The following ARID1A variants were observed in gnomAD, a reference collection of about 807,000 sequenced individuals.
ARID1A encodes AT-rich interactive domain-containing protein 1A.
A neutral mutation model predicts 212.6 loss-of-function variants in ARID1A; 20 were observed. That is an observed-to-expected ratio of 0.09 (90% CI 0.07 to 0.14). The LOEUF is 0.14. Among genes scored for constraint, ARID1A ranks in the 10% least tolerant of loss-of-function variants. The probability of loss-of-function intolerance (pLI) is 1.00; values close to 1 mark genes in which losing one functional copy is unlikely to be tolerated. For synonymous variants in ARID1A, 1,376 were observed against 1,222.1 expected (o/e 1.13, Z -2.63); for missense variants, 2,587 against 3,059.0 (o/e 0.85, Z 3.64).
intron 1 of ARID1A, among the ~76,000 whole-genome samples, chr1:26,709,626 CTTTTTT>C (rs57532083): frequency 4.2e-5 from 5 of 118,504 alleles, no homozygotes; most frequent in African/African-American, 9.7e-5. Context: ...TACTGTAATG[CTTTTTT>C]TTTTTTTTTT....
Position 26,755,674 on chromosome 1 carries a change from GAA to G in ARID1A, c.1921-5180_1921-5179del, listed in dbSNP as rs1238094576. On this transcript the variant is annotated intron_variant, in intron 4 of 19. Coordinates refer to ENST00000324856, the MANE Select transcript of ARID1A (RefSeq NM_006015.6). ...CTATGGTGAGCCTGGTTTTTTAACTGAAAGTGTGGCTGAAAGGACCTCCTCAG... is the reference window on the plus strand; with the variant it reads ...CTATGGTGAGCCTGGTTTTTTAACTGAGTGTGGCTGAAAGGACCTCCTCAG... Among the ~76,000 whole-genome samples, 4 of 152,236 alleles carry G rather than the reference GAA, an allele frequency of 2.6e-5. No individual in the cohort carries two copies. In the East Asian group the frequency reaches 7.7e-4, roughly 29 times the overall value.
intron 1 of ARID1A, among the ~76,000 whole-genome samples, chr1:26,723,201 G>C (rs572482176): frequency 2.0e-5 from 3 of 152,188 alleles, no homozygotes; most frequent in African/African-American, 7.2e-5. Context: ...TGATTTTTTT[G>C]GTGGAAGCCT....
chr1:26,696,681 G>A lies in ARID1A; in HGVS notation c.278G>A (p.Gly93Glu). 3.0e-6 allele frequency: 4 copies of A among 1,326,440 alleles called. No homozygotes were observed. The highest frequency in any genetic ancestry group is 3.8e-6 in the Non-Finnish European group (4 of 1,039,856). The allele number at this position is 1,326,440 out of a possible 1,614,324, so 82.2% of individuals were successfully genotyped here. The change falls in exon 1 of 20, where the codon GGG (glycine) becomes GAG (glutamate). Residue 93 changes from glycine to glutamate, a missense_variant. This residue lies in a region of ARID1A where 735 missense variants were observed against 590.6 expected (regional missense o/e 1.24). Transcript: ENST00000324856. ...GGCGGCGGAGCCGGCAGCGGCGGCG[G>A]GCCCGGCGCGGAGCCGGACCTGAAG... ...GGGGGAGSGG[G>E]PGAEPDLKNS...
intron 1 of ARID1A, among the ~76,000 whole-genome samples, chr1:26,713,595 A>G (rs1170387301): frequency 3.9e-5 from 6 of 152,120 alleles, no homozygotes; most frequent in Non-Finnish European, 7.4e-5. Flanking sequence ...CCTGACCTCA[A>G]GTAATCTGCC....
chr1:26,724,509 G>A (rs1208333161), intron 1 of ARID1A, among the ~76,000 whole-genome samples: 1 of 152,232 alleles, frequency 6.6e-6, no homozygotes, highest in African/African-American at 2.4e-5. Flanking sequence ...CTGCTTAGAA[G>A]TTTTGAGTTC....
chr1:26,768,274 G>T (rs1315345710), intron 11 of ARID1A, among the ~76,000 whole-genome samples: 1 of 152,212 alleles, frequency 6.6e-6, no homozygotes, highest in African/African-American at 2.4e-5. Flanking sequence ...TGGGCATTCT[G>T]ATTCCATGGG....
At chr1:26,742,364 G>A (rs565180075) in intron 4 of ARID1A, among the ~76,000 whole-genome samples, 61 of 152,328 alleles carry the variant, frequency 4.0e-4, no homozygotes, top group Non-Finnish European at 7.8e-4. Flanking sequence ...GCCTCAAACA[G>A]TGAACCGTTG....
In ARID1A at chr1:26,763,084, A is replaced by G. The variant is rs1412444313; in HGVS notation, c.2531A>G (p.Gln844Arg). Reference sequence around the variant, plus strand: ...GGTGCCGGAGGTCAAATGCATGGACAGCCTGGCATCCCACCTTATGGCACA... The same window carrying G: ...GGTGCCGGAGGTCAAATGCATGGACGGCCTGGCATCCCACCTTATGGCACA... ...PMGAGGQMHG[Q>R]PGIPPYGTLP... The change falls in exon 8 of 20, where the codon CAG (glutamine) becomes CGG (arginine). Residue 844 changes from glutamine to arginine, a missense_variant. This residue lies in a region of ARID1A where 674 missense variants were observed against 813.4 expected (regional missense o/e 0.83). Transcript: ENST00000324856. 3 of 1,614,152 alleles carry G rather than the reference A, an allele frequency of 1.9e-6. No individual in the cohort carries two copies. The highest frequency in any genetic ancestry group is 3.3e-5 in the Admixed American group (2 of 60,016).
In ARID1A at chr1:26,731,777, C is replaced by T. The variant is rs2080680914; in HGVS notation, c.1803+173C>T. Among the ~76,000 whole-genome samples the T allele has an allele frequency of 2.6e-5, 4 of 152,128 alleles. No individual in the cohort carries two copies. The South Asian group carries it at 8.3e-4, about 32-fold the overall frequency. ...ATTGAACTAATAAAGGCATAACCTCCTTAACTGCATAAAGACCTGTAGCTC... is the reference window on the plus strand; with the variant it reads ...ATTGAACTAATAAAGGCATAACCTCTTTAACTGCATAAAGACCTGTAGCTC... On this transcript the variant is annotated intron_variant, in intron 3 of 19. Coordinates refer to ENST00000324856, the MANE Select transcript of ARID1A (RefSeq NM_006015.6).
intron 4 of ARID1A, among the ~76,000 whole-genome samples, chr1:26,756,355 A>G (rs948836121): frequency 1.3e-5 from 2 of 152,066 alleles, no homozygotes; most frequent in African/African-American, 4.8e-5. Flanking sequence ...CAGGAGTTCG[A>G]GACCAGCCTG....
intron 4 of ARID1A, among the ~76,000 whole-genome samples, chr1:26,742,977 AAT>A (rs1180687206): frequency 6.6e-6 from 1 of 152,170 alleles, no homozygotes; most frequent in Admixed American, 6.5e-5. Flanking sequence ...CAAAAAAAGA[AAT>A]ATAAAAAATA....
At chr1:26,749,824 CAGG>C (rs2080869240) in intron 4 of ARID1A, among the ~76,000 whole-genome samples, 1 of 152,178 alleles carries the variant, frequency 6.6e-6, no homozygotes, top group Non-Finnish European at 1.5e-5. Context: ...GAGTTTTAAA[CAGG>C]AGAATCAATT....
At chr1:26,716,919 C>T (rs1052453567) in intron 1 of ARID1A, among the ~76,000 whole-genome samples, 2 of 152,188 alleles carry the variant, frequency 1.3e-5, no homozygotes, top group African/African-American at 4.8e-5. Context: ...GCCAACTGTG[C>T]CTGGCCAGGA....
chr1:26,780,114 C>T lies in ARID1A; in HGVS notation c.6216C>T (p.Asp2072=), dbSNP rs1489050302. Residue 2072 remains aspartate (D), a synonymous_variant, in exon 20 of 20, where the codon GAC becomes GAT. Transcript: ENST00000324856. The surrounding 1 kb of genome is among the most constrained non-coding windows in gnomAD (Gnocchi z 7.2). ...TCGCCAACATCTCGGGGCAGTTGGA[C>T]CTATCTCCATACCCCGAGAGCATTT... ...VTLANISGQL[D]LSPYPESICL... The T allele has an allele frequency of 1.9e-6, 3 of 1,614,042 alleles. No individual in the cohort carries two copies. Among genetic ancestry groups the T allele is most frequent in the Admixed American group, 1.7e-5 (1 of 59,998 alleles).
Position 26,780,468 on chromosome 1 carries a change from C to T in ARID1A, c.6570C>T (p.Gly2190=), listed in dbSNP as rs2124150578. The T allele has an allele frequency of 6.2e-7, 1 of 1,614,246 alleles. No individual in the cohort carries two copies. The highest frequency in any genetic ancestry group is 8.5e-7 in the Non-Finnish European group (1 of 1,180,050). The change falls in exon 20 of 20, where the codon GGC becomes GGT. Residue 2190 remains glycine, a synonymous_variant. Coordinates refer to ENST00000324856, the MANE Select transcript of ARID1A (RefSeq NM_006015.6). This position sits in a 1 kb window ranked among gnomAD's most constrained non-coding sequence, Gnocchi z 7.2. ...CTCGTGCCATTGCAGTGCAGAAGGG[C>T]AGTATCGGCAACCTCCTGGGCTTCC... The part of the protein sequence containing the change: ...LAARAIAVQK[G]SIGNLLGFLE...
intron 4 of ARID1A, among the ~76,000 whole-genome samples, chr1:26,757,925 A>AC (rs2080957217): frequency 6.6e-6 from 1 of 152,176 alleles, no homozygotes; most frequent in African/African-American, 2.4e-5. Context: ...GACATGAGCT[A>AC]CTGCGCCTGG....
At position 26,780,081 on chromosome 1, in the gene ARID1A, G is replaced by C. The variant is rs2124146594; in HGVS notation, c.6183G>C (p.Leu2061Phe). Reference sequence around the variant, plus strand: ...TGGAGATGCTCCGGGAAAACACCTTGGTTACACTCGCCAACATCTCGGGGC... The same window carrying C: ...TGGAGATGCTCCGGGAAAACACCTTCGTTACACTCGCCAACATCTCGGGGC... The part of the protein sequence containing the change: ...DCLEMLRENT[L>F]VTLANISGQL... Residue 2061 changes from leucine (L) to phenylalanine (F), a missense_variant, in exon 20 of 20, where the codon TTG becomes TTC. This residue lies in a region of ARID1A where 168 missense variants were observed against 321.0 expected (regional missense o/e 0.52). Coordinates refer to ENST00000324856, the MANE Select transcript of ARID1A (RefSeq NM_006015.6). The surrounding 1 kb of genome is among the most constrained non-coding windows in gnomAD (Gnocchi z 7.2). 1.2e-6 allele frequency: 2 copies of C among 1,614,140 alleles called. No individual in the cohort carries two copies. The highest frequency in any genetic ancestry group is 1.7e-6 in the Non-Finnish European group (2 of 1,180,020).
At chr1:26,720,360 C>A (rs544511989) in intron 1 of ARID1A, among the ~76,000 whole-genome samples, 2 of 151,836 alleles carry the variant, frequency 1.3e-5, no homozygotes, top group South Asian at 4.2e-4. Flanking sequence ...GTAATCCCAA[C>A]TGCTAGGGTG....
At position 26,781,833 on chromosome 1, in the gene ARID1A, T is replaced by C. The variant is rs1276480547; in HGVS notation, c.*1077T>C. ...CTCAGCAGCCAATCAACTTATAGTTTATTTTTTTCTGGGTTTTTGTTTTGT... is the reference window on the plus strand; with the variant it reads ...CTCAGCAGCCAATCAACTTATAGTTCATTTTTTTCTGGGTTTTTGTTTTGT... On this transcript the variant is annotated 3_prime_UTR_variant, in exon 20 of 20. Coordinates refer to ENST00000324856, the MANE Select transcript of ARID1A (RefSeq NM_006015.6). The C allele has an allele frequency of 8.6e-6, 2 of 233,672 alleles. No individual in the cohort carries two copies. Among genetic ancestry groups the C allele is most frequent in the Non-Finnish European group, 1.7e-5 (2 of 118,078 alleles). 14.5% of individuals were successfully genotyped at this position (233,672 alleles called of 1,614,324 possible).
Sources: gnomAD v4.1 joint callset for allele counts (sites outside exome capture counted in the v4.1 genomes callset) on GRCh38, gnomAD v4.1.1 for gene constraint, gnomAD v4.1.1 regional missense constraint, Gnocchi (gnomAD v3.1) non-coding constraint, MANE v1.5 for transcripts, NCBI Gene and HGNC (gene_info 2026-07-23, HGNC 2026-07-21) for gene names.